Variants in SOBP observed in about 807,000 individuals in gnomAD.
SOBP encodes the protein sine oculis binding protein homolog, also known as sine oculis-binding protein homolog.
Under a neutral mutation model 53.6 loss-of-function variants are expected in SOBP, and 4 were observed. That is an observed-to-expected ratio of 0.07 (90% CI 0.04 to 0.17). SOBP has a LOEUF of 0.17. SOBP is among the 10% of genes least tolerant of loss of function. The probability of loss-of-function intolerance (pLI) is 1.00; values close to 1 mark genes in which losing one functional copy is unlikely to be tolerated. For synonymous variants in SOBP, 584 were observed against 522.6 expected (o/e 1.12, Z -1.60); for missense variants, 1,088 against 1,204.7 (o/e 0.90, Z 1.43).
intron 6 of SOBP, among the ~76,000 whole-genome samples, chr6:107,651,130 G>GA (rs991339033): frequency 5.3e-5 from 8 of 152,134 alleles, no homozygotes; most frequent in African/African-American, 1.9e-4. Flanking sequence ...AGCTGGGTGT[G>GA]ATGGTGCACA....
At chr6:107,551,809 T>G (rs1346494979) in intron 4 of SOBP, among the ~76,000 whole-genome samples, 7 of 152,054 alleles carry the variant, frequency 4.6e-5, no homozygotes, top group African/African-American at 1.7e-4. Context: ...TCACTTGGGG[T>G]CAGGAGTTCG....
At chr6:107,509,351 G>A (rs2114954372) in intron 3 of SOBP, among the ~76,000 whole-genome samples, 1 of 148,258 alleles carries the variant, frequency 6.7e-6, no homozygotes, top group Admixed American at 6.8e-5. Context: ...CCAAGATGGC[G>A]CCATTGCACT....
rs1772245005 is a variant in SOBP, at chr6:107,660,324, G to A, written c.*2121G>A. ...GGCACTGTCTCTTCCTGACCTGCTAGACCACGCTTGTCTGCAGACAAGAGC... is the reference window on the plus strand; with the variant it reads ...GGCACTGTCTCTTCCTGACCTGCTAAACCACGCTTGTCTGCAGACAAGAGC... On this transcript the variant is annotated 3_prime_UTR_variant, in exon 7 of 7. Coordinates refer to ENST00000317357, the MANE Select transcript of SOBP (RefSeq NM_018013.4). 6.6e-6 allele frequency among the ~76,000 whole-genome samples: 1 copy of A among 152,128 alleles called. No homozygotes were observed. The highest frequency in any genetic ancestry group is 2.4e-5 in the African/African-American group (1 of 41,424).
chr6:107,572,400 C>T (rs1185840820), intron 4 of SOBP, among the ~76,000 whole-genome samples: 1 of 151,342 alleles, frequency 6.6e-6, no homozygotes, highest in Admixed American at 6.6e-5. Flanking sequence ...GCCTCCTGGG[C>T]TCAAGTGATT....
At chr6:107,644,076 T>C (rs778981174) in intron 6 of SOBP, among the ~76,000 whole-genome samples, 14 of 151,994 alleles carry the variant, frequency 9.2e-5, no homozygotes, top group Non-Finnish European at 2.1e-4. Flanking sequence ...CCAAGGCGGG[T>C]GGATCAGACT....
intron 1 of SOBP, among the ~76,000 whole-genome samples, chr6:107,494,770 T>C (rs1782658470): frequency 6.6e-6 from 1 of 152,242 alleles, no homozygotes; most frequent in Non-Finnish European, 1.5e-5. Context: ...AAAATTACGC[T>C]TCAGTCCTGA....
rs926528471 is a variant in SOBP, at chr6:107,660,349, C to T, written c.*2146C>T. Among the ~76,000 whole-genome samples, 2 of 152,176 alleles carry T rather than the reference C, an allele frequency of 1.3e-5. No individual in the cohort carries two copies. The highest frequency in any genetic ancestry group is 4.8e-5 in the African/African-American group (2 of 41,440). On this transcript the variant is annotated 3_prime_UTR_variant, in exon 7 of 7. Coordinates refer to ENST00000317357, the MANE Select transcript of SOBP (RefSeq NM_018013.4). ...GACCACGCTTGTCTGCAGACAAGAGCCCACTCCGTCCGTTCCAGGGCCTGC... is the reference window on the plus strand; with the variant it reads ...GACCACGCTTGTCTGCAGACAAGAGTCCACTCCGTCCGTTCCAGGGCCTGC...
chr6:107,656,967 C>T (rs1431330150), intron 6 of SOBP, among the ~76,000 whole-genome samples: 9 of 152,210 alleles, frequency 5.9e-5, no homozygotes, highest in Non-Finnish European at 1.2e-4. Flanking sequence ...TTTCTGACAG[C>T]CTCATTTATT....
chr6:107,506,168 G>GA, intron 2 of SOBP, 74 bp from the exon 3 acceptor site: 1 of 1,366,622 alleles, frequency 7.3e-7, no homozygotes, highest in South Asian at 1.2e-5. Context: ...TTTTACTTGA[G>GA]AAAATAAGGA....
At position 107,634,156 on chromosome 6, in the gene SOBP, C is replaced by A; in HGVS notation, c.1312C>A (p.Pro438Thr). 6.2e-7 allele frequency: 1 copy of A among 1,611,424 alleles called. No homozygotes were observed. The highest frequency in any genetic ancestry group is 1.1e-5 in the South Asian group (1 of 90,978). The change falls in exon 6 of 7, where the codon CCC (proline) becomes ACC (threonine). Residue 438 changes from proline to threonine, a missense_variant. Physicochemically the swap from Pro to Thr is conservative, Grantham distance 38 (BLOSUM62 -1). Transcript: ENST00000317357. The surrounding 1 kb of genome is among the most constrained non-coding windows in gnomAD (Gnocchi z 4.5). ...CATGCTTCCCGGCATCGGGCCCCCGCCCGGTGGCCCCAGAAACCTGGGCCC... is the reference window on the plus strand; with the variant it reads ...CATGCTTCCCGGCATCGGGCCCCCGACCGGTGGCCCCAGAAACCTGGGCCC... ...NPMLPGIGPP[P>T]GGPRNLGPTS...
At chr6:107,524,803 C>T (rs989118842) in intron 3 of SOBP, among the ~76,000 whole-genome samples, 3 of 152,184 alleles carry the variant, frequency 2.0e-5, no homozygotes, top group African/African-American at 4.8e-5. Flanking sequence ...CATGGAAATG[C>T]GCATGCCTCA....
intron 1 of SOBP, among the ~76,000 whole-genome samples, chr6:107,501,945 G>A (rs1461314480): frequency 1.3e-5 from 2 of 152,150 alleles, no homozygotes; most frequent in African/African-American, 4.8e-5. Context: ...ACTGACTGTT[G>A]GCCTTGCGGA....
At chr6:107,645,990 G>T (rs1383920181) in intron 6 of SOBP, among the ~76,000 whole-genome samples, 1 of 152,206 alleles carries the variant, frequency 6.6e-6, no homozygotes, top group Non-Finnish European at 1.5e-5. Context: ...ACAGGAGTTT[G>T]GGGAATTTGT....
At chr6:107,652,169 G>T (rs1447341321) in intron 6 of SOBP, among the ~76,000 whole-genome samples, 1 of 152,186 alleles carries the variant, frequency 6.6e-6, no homozygotes, top group Non-Finnish European at 1.5e-5. Flanking sequence ...CATTGATAGT[G>T]ATGCCTCTAA....
chr6:107,497,643 T>G (rs576208468), intron 1 of SOBP, among the ~76,000 whole-genome samples: 1 of 152,132 alleles, frequency 6.6e-6, no homozygotes, highest in African/African-American at 2.4e-5. Context: ...ATACTAACCT[T>G]CCTTTTAAAA....
At chr6:107,496,032 T>C (rs189683230) in intron 1 of SOBP, among the ~76,000 whole-genome samples, 1 of 152,204 alleles carries the variant, frequency 6.6e-6, no homozygotes, top group East Asian at 1.9e-4. Flanking sequence ...ATAGTGCCAA[T>C]TGAAACATGT....
chr6:107,502,050 G>T (rs1295992788), intron 1 of SOBP, among the ~76,000 whole-genome samples: 1 of 152,060 alleles, frequency 6.6e-6, no homozygotes, highest in African/African-American at 2.4e-5. Flanking sequence ...GCTTACGTGG[G>T]TACTAAAGCA....
At chr6:107,639,431 A>G (rs534816173) in intron 6 of SOBP, among the ~76,000 whole-genome samples, 3 of 152,144 alleles carry the variant, frequency 2.0e-5, no homozygotes, top group Non-Finnish European at 2.9e-5. Flanking sequence ...GTGGACAACT[A>G]TTTTCCCCAG....
At chr6:107,494,795 G>A (rs1296367978) in intron 1 of SOBP, among the ~76,000 whole-genome samples, 3 of 152,150 alleles carry the variant, frequency 2.0e-5, no homozygotes, top group African/African-American at 7.2e-5. Flanking sequence ...TACAATTTGG[G>A]TCAGGCACAT....
Sources: allele counts gnomAD v4.1 joint callset (sites outside exome capture counted in the v4.1 genomes callset), GRCh38; gene constraint gnomAD v4.1.1; non-coding constraint Gnocchi (gnomAD v3.1); transcripts MANE v1.5; gene names NCBI Gene and HGNC (gene_info 2026-07-23, HGNC 2026-07-21).